The following RP1 variants were observed in gnomAD, a reference collection of about 807,000 sequenced individuals.
RP1 encodes the protein RP1 axonemal microtubule associated, also known as oxygen-regulated protein 1.
RP1 carries 16 observed loss-of-function variants against 14.8 expected under a neutral mutation model. The ratio of observed to expected loss-of-function variants is 1.08; its 90% CI spans 0.73 to 1.65. The LOEUF (loss-of-function observed/expected upper bound fraction) is 1.65, where lower values mean the gene tolerates loss of function less well. Ranked by LOEUF, RP1 falls within the 40% of genes most tolerant of loss-of-function variation. The probability of loss-of-function intolerance (pLI) is 0.00; values close to 1 mark genes in which losing one functional copy is unlikely to be tolerated. For synonymous variants in RP1, 876 were observed against 883.6 expected, an observed-to-expected ratio of 0.99 and a Z score of 0.15; for missense variants, 2,631 against 2,535.0, an observed-to-expected ratio of 1.04 and a Z score of -0.81.
chr8:54,786,623 C>T (rs143906512), intron 24 of RP1, among the ~76,000 whole-genome samples: 343 of 152,100 alleles, frequency 2.3e-3, no homozygotes, highest in African/African-American at 7.8e-3. Context: ...TGTTATAATC[C>T]TTTGATTAAT....
chr8:54,603,197 C>A (rs1805336647), intron 1 of RP1, among the ~76,000 whole-genome samples: 2 of 152,086 alleles, frequency 1.3e-5, no homozygotes, highest in South Asian at 4.1e-4. Context: ...CTTAATCCAT[C>A]TTGAATTAAT....
At chr8:54,847,004 G>A (rs1489291014) in intron 25 of RP1, among the ~76,000 whole-genome samples, 2 of 152,168 alleles carry the variant, frequency 1.3e-5, no homozygotes, top group Non-Finnish European at 2.9e-5. Context: ...GCTGATGAGG[G>A]CACTCTGTTG....
At chr8:54,859,527 G>A (rs1043955375) in intron 27 of RP1, among the ~76,000 whole-genome samples, 1 of 151,302 alleles carries the variant, frequency 6.6e-6, no homozygotes, top group African/African-American at 2.4e-5. Context: ...TCACTGTAGG[G>A]CATTGTCACT....
At chr8:54,717,013 C>T (rs1278487987) in intron 15 of RP1, among the ~76,000 whole-genome samples, 1 of 152,048 alleles carries the variant, frequency 6.6e-6, no homozygotes, top group Non-Finnish European at 1.5e-5. Context: ...TGTCCCAGGC[C>T]CCTCCTTTCA....
Position 54,629,795 on chromosome 8 carries a change from C to A in RP1, c.5913C>A (p.Asn1971Lys), listed in dbSNP as rs754290174. 104 of 1,611,202 alleles carry A rather than the reference C, an allele frequency of 6.5e-5. 1 individual carries two copies. In the East Asian group the frequency reaches 2.3e-3, roughly 36 times the overall value. Reference protein sequence around the residue: ...QTDKNVFREENNKASMRQNLI... With the variant: ...QTDKNVFREEKNKASMRQNLI... ...ACAAAAATGTGTTCAGGGAAGAGAA[C>A]AATAAAGCAAGTATGAGACAAAATC... is the stretch of plus-strand genomic sequence containing the variant. Residue 1971 changes from asparagine to lysine, a missense_variant, in exon 4 of 4, where the codon AAC becomes AAA. Coordinates refer to ENST00000220676, the MANE Select transcript of RP1 (RefSeq NM_006269.2).
intron 2 of RP1, among the ~76,000 whole-genome samples, chr8:54,621,909 C>T (rs1450498869): frequency 6.6e-6 from 1 of 152,168 alleles, no homozygotes; most frequent in African/African-American, 2.4e-5. Context: ...TTCCTGGGAT[C>T]CCTGCTGGGA....
In RP1 at chr8:54,628,738, A is replaced by G. The variant is rs113911625; in HGVS notation, c.4856A>G (p.Gln1619Arg). The change falls in exon 4 of 4, where the codon CAA becomes CGA. Residue 1619 changes from glutamine (Q) to arginine (R), a missense_variant. Coordinates refer to ENST00000220676, the MANE Select transcript of RP1 (RefSeq NM_006269.2). ...CCCAATGACAGTGGCGAACTTACCC[A>G]AGAGAAAGAATATAACATAGGATTT... ...DDPNDSGELT[Q>R]EKEYNIGFVK... 1.5e-5 allele frequency: 24 copies of G among 1,614,094 alleles called. No homozygotes were observed. The African/African-American group carries it at 2.8e-4, about 19-fold the overall frequency.
At chr8:54,623,219 C>T (rs546320873) in intron 3 of RP1, among the ~76,000 whole-genome samples, 7 of 152,114 alleles carry the variant, frequency 4.6e-5, no homozygotes, top group Admixed American at 1.3e-4. Context: ...TGCTATTTCA[C>T]GTTTGTCATT....
chr8:54,740,677 A>G (rs1019494769), intron 19 of RP1, among the ~76,000 whole-genome samples: 5 of 151,618 alleles, frequency 3.3e-5, no homozygotes, highest in African/African-American at 1.2e-4. Flanking sequence ...AGCCAAGATC[A>G]CACCACTGCG....
At position 54,584,200 on chromosome 8, in the gene RP1, G is replaced by A. The variant is rs547246795; in HGVS notation, c.-13+24880G>A. ...TGTCCCAGAGATTCTGGTATGTTGT[G>A]TCTTTGTTCTCATTGGTTTCAAAGA... On this transcript the variant is annotated intron_variant, in intron 1 of 22. Transcript: ENST00000636932. 3.4e-4 allele frequency among the ~76,000 whole-genome samples: 52 copies of A among 152,224 alleles called. 1 individual carries two copies. The highest frequency in any genetic ancestry group is 3.1e-3 in the Admixed American group (48 of 15,296).
At chr8:54,781,979 C>A (rs577986964) in intron 23 of RP1, among the ~76,000 whole-genome samples, 1 of 152,114 alleles carries the variant, frequency 6.6e-6, no homozygotes, top group Non-Finnish European at 1.5e-5. Context: ...GTCCCTCCCC[C>A]CATGATAGCA....
At chr8:54,595,415 C>T (rs1805120368) in intron 1 of RP1, among the ~76,000 whole-genome samples, 1 of 152,200 alleles carries the variant, frequency 6.6e-6, no homozygotes, top group African/African-American at 2.4e-5. Context: ...GGGTGTGAGA[C>T]ACCACGCCTG....
At chr8:54,679,582 CTT>C in intron 10 of RP1, 1 of 1,535,928 alleles carries the variant, frequency 6.5e-7, no homozygotes, top group South Asian at 1.2e-5. Context: ...ATTGCCCTCT[CTT>C]TATCTTCTCA....
chr8:54,848,963 G>A (rs1416304802), intron 25 of RP1, among the ~76,000 whole-genome samples: 1 of 152,090 alleles, frequency 6.6e-6, no homozygotes, highest in Non-Finnish European at 1.5e-5. Flanking sequence ...TGGCCAGGCT[G>A]GTCTTGAACG....
At chr8:54,588,139 A>G (rs1177820128) in intron 1 of RP1, among the ~76,000 whole-genome samples, 1 of 152,226 alleles carries the variant, frequency 6.6e-6, no homozygotes, top group Non-Finnish European at 1.5e-5. Flanking sequence ...ATTATGGTGC[A>G]TATTTCATTT....
In RP1 at chr8:54,626,053, G is replaced by A; in HGVS notation, c.2171G>A (p.Gly724Glu). The A allele has an allele frequency of 6.2e-7, 1 of 1,613,652 alleles. No homozygotes were observed. Among genetic ancestry groups the A allele is most frequent in the Non-Finnish European group, 8.5e-7 (1 of 1,179,832 alleles). The change falls in exon 4 of 4, where the codon GGG becomes GAG. Residue 724 changes from glycine (G) to glutamate (E), a missense_variant. Transcript: ENST00000220676. ...VQDSDSPLKG[G>E]ILCEEDLQKS... ...GATTCAGATAGTCCCCTTAAAGGAG[G>A]GATACTTTGTGAGGAAGACCTCCAG...
chr8:54,836,917 G>A lies in RP1; in HGVS notation c.3616-533G>A, dbSNP rs534124555. On this transcript the variant is annotated intron_variant, in intron 24 of 28. Transcript: ENST00000637698. ...CAAAAGAAAAATATTGCTTATTCTG[G>A]ATAATAAATAATACCTTAGAATATT... is the stretch of plus-strand genomic sequence containing the variant. Among the ~76,000 whole-genome samples, 121 of 152,156 alleles carry A rather than the reference G, an allele frequency of 8.0e-4. 1 individual carries two copies. The South Asian group carries it at 0.022, about 28-fold the overall frequency.
intron 1 of RP1, among the ~76,000 whole-genome samples, chr8:54,587,205 C>T (rs1804951076): frequency 6.6e-6 from 1 of 152,170 alleles, no homozygotes; most frequent in Admixed American, 6.5e-5. Context: ...TCTTGCAGAA[C>T]ACCTGAGGTG....
At chr8:54,666,841 AGCCCCAT>A (rs1440535439) in intron 7 of RP1, among the ~76,000 whole-genome samples, 1 of 152,066 alleles carries the variant, frequency 6.6e-6, no homozygotes, top group Non-Finnish European at 1.5e-5. Context: ...TCAAATGCCA[AGCCCCAT>A]CTGTTCTCAG....
Sources: allele counts gnomAD v4.1 joint callset (sites outside exome capture counted in the v4.1 genomes callset), GRCh38; gene constraint gnomAD v4.1.1; transcripts MANE v1.5; gene names NCBI Gene and HGNC (gene_info 2026-07-23, HGNC 2026-07-21).